Variants in EXOC6B observed in about 807,000 individuals in gnomAD.
The protein encoded by EXOC6B is SEC15 homolog B.
EXOC6B carries 54 observed loss-of-function variants against 113.5 expected under a neutral mutation model. That is an observed-to-expected ratio of 0.48 (90% CI 0.38 to 0.60). The LOEUF (loss-of-function observed/expected upper bound fraction) is 0.60, where lower values mean the gene tolerates loss of function less well. Among genes scored for constraint, EXOC6B ranks in the 20% least tolerant of loss-of-function variants. The pLI, the probability that EXOC6B is intolerant of heterozygous loss-of-function variation, is 0.00. For synonymous variants in EXOC6B, 357 were observed against 339.0 expected (o/e 1.05, Z -0.58); for missense variants, 797 against 977.5 (o/e 0.82, Z 2.46).
chr2:72,459,908 A>T (rs1361780939), intron 18 of EXOC6B, among the ~76,000 whole-genome samples: 1 of 152,226 alleles, frequency 6.6e-6, no homozygotes, highest in Non-Finnish European at 1.5e-5. Context: ...GTCAATCCTA[A>T]GCCAAAAGAA....
intron 20 of EXOC6B, among the ~76,000 whole-genome samples, chr2:72,287,430 C>CAA (rs60011551): frequency 4.7e-5 from 5 of 105,384 alleles, no homozygotes; most frequent in Non-Finnish European, 1.0e-4. Context: ...GACTTCATCT[C>CAA]AAAAAAAAAA....
At chr2:72,564,342 T>C (rs1704047835) in intron 7 of EXOC6B, among the ~76,000 whole-genome samples, 1 of 152,192 alleles carries the variant, frequency 6.6e-6, no homozygotes, top group Admixed American at 6.5e-5. Flanking sequence ...AGTAGATGGA[T>C]CATCCAAAAA....
chr2:72,759,392 T>G (rs1281825719), intron 1 of EXOC6B, among the ~76,000 whole-genome samples: 5 of 152,212 alleles, frequency 3.3e-5, no homozygotes, highest in Admixed American at 3.3e-4. Flanking sequence ...GACAGTCATA[T>G]CATGCTATAT....
At chr2:72,557,399 A>G (rs1442285860) in intron 8 of EXOC6B, among the ~76,000 whole-genome samples, 1 of 145,188 alleles carries the variant, frequency 6.9e-6, no homozygotes, top group African/African-American at 2.6e-5. Context: ...ATTGTTTTAG[A>G]TGCCTTGATA....
At chr2:72,562,110 G>A (rs1703922473) in intron 7 of EXOC6B, among the ~76,000 whole-genome samples, 1 of 152,094 alleles carries the variant, frequency 6.6e-6, no homozygotes, top group Non-Finnish European at 1.5e-5. Context: ...GTGCTGTGAG[G>A]ATAAAGCTAT....
intron 1 of EXOC6B, among the ~76,000 whole-genome samples, chr2:72,753,637 T>C (rs1682202954): frequency 6.6e-6 from 1 of 152,168 alleles, no homozygotes; most frequent in Non-Finnish European, 1.5e-5. Flanking sequence ...TACACACACA[T>C]ACACACAACT....
intron 19 of EXOC6B, among the ~76,000 whole-genome samples, chr2:72,376,578 G>C (rs1039193777): frequency 6.6e-6 from 1 of 152,014 alleles, no homozygotes; most frequent in Non-Finnish European, 1.5e-5. Flanking sequence ...AGTTTTTTGA[G>C]CTATTTAAAT....
At chr2:72,360,930 CAAAAAAAAA>C (rs3063329) in intron 19 of EXOC6B, among the ~76,000 whole-genome samples, 5 of 91,162 alleles carry the variant, frequency 5.5e-5, no homozygotes, top group Non-Finnish European at 1.1e-4. Flanking sequence ...GACTCCATCT[CAAAAAAAAA>C]AAAAAAAAAA....
At chr2:72,440,496 T>A (rs1696136574) in intron 18 of EXOC6B, among the ~76,000 whole-genome samples, 1 of 152,146 alleles carries the variant, frequency 6.6e-6, no homozygotes, top group African/African-American at 2.4e-5. Context: ...GAATTCATTA[T>A]CACCAGACCT....
At chr2:72,692,923 C>G (rs778404967) in intron 6 of EXOC6B, among the ~76,000 whole-genome samples, 3 of 152,124 alleles carry the variant, frequency 2.0e-5, no homozygotes, top group African/African-American at 7.2e-5. Flanking sequence ...TTTGACCCAA[C>G]TAAAACTCTA....
chr2:72,361,924 A>G (rs1478876138), intron 19 of EXOC6B, among the ~76,000 whole-genome samples: 1 of 152,230 alleles, frequency 6.6e-6, no homozygotes, highest in Non-Finnish European at 1.5e-5. Context: ...GAGGAGGTTA[A>G]GTAGTAAATG....
intron 20 of EXOC6B, among the ~76,000 whole-genome samples, chr2:72,292,250 C>CAGGTTTGA (rs1327205598): frequency 4.4e-4 from 64 of 146,718 alleles, no homozygotes; most frequent in African/African-American, 1.6e-3. Flanking sequence ...GAAGATCTAC[C>CAGGTTTGA]AGGTTTGATA....
At chr2:72,346,548 C>T (rs1689349667) in intron 19 of EXOC6B, among the ~76,000 whole-genome samples, 1 of 152,042 alleles carries the variant, frequency 6.6e-6, no homozygotes, top group South Asian at 2.1e-4. Flanking sequence ...AACTAAAAAA[C>T]AATTTCACTT....
chr2:72,796,780 T>C (rs1261649717), intron 1 of EXOC6B, among the ~76,000 whole-genome samples: 1 of 152,170 alleles, frequency 6.6e-6, no homozygotes, highest in Non-Finnish European at 1.5e-5. Context: ...TAGTGAAGAT[T>C]TGGAGGAAGA....
At chr2:72,370,591 G>A (rs981364288) in intron 19 of EXOC6B, among the ~76,000 whole-genome samples, 6 of 152,058 alleles carry the variant, frequency 3.9e-5, no homozygotes, top group African/African-American at 1.4e-4. Flanking sequence ...TACTCACAAT[G>A]GCAAAGACTT....
intron 20 of EXOC6B, among the ~76,000 whole-genome samples, chr2:72,229,334 AG>A (rs1411228019): frequency 1.3e-5 from 2 of 152,192 alleles, no homozygotes; most frequent in African/African-American, 4.8e-5. Flanking sequence ...GCATTTACGA[AG>A]ATTACGAAGC....
chr2:72,544,633 C>T (rs1487909625), intron 8 of EXOC6B, among the ~76,000 whole-genome samples: 3 of 152,068 alleles, frequency 2.0e-5, no homozygotes, highest in African/African-American at 7.2e-5. Context: ...GACAGCAATA[C>T]AGCACACCAA....
intron 19 of EXOC6B, among the ~76,000 whole-genome samples, chr2:72,362,518 A>G (rs998761331): frequency 6.6e-6 from 1 of 152,152 alleles, no homozygotes; most frequent in African/African-American, 2.4e-5. Context: ...GATTTTATAT[A>G]TATTATCTCA....
chr2:72,775,866 A>C (rs904007318), intron 1 of EXOC6B, among the ~76,000 whole-genome samples: 6 of 152,200 alleles, frequency 3.9e-5, no homozygotes, highest in Admixed American at 1.3e-4. Context: ...CATGAGATAA[A>C]ATTGTACAGG....
Sources: gnomAD v4.1 joint callset for allele counts (sites outside exome capture counted in the v4.1 genomes callset) on GRCh38, gnomAD v4.1.1 for gene constraint, MANE v1.5 for transcripts, NCBI Gene and HGNC (gene_info 2026-07-23, HGNC 2026-07-21) for gene names.